FBXO4: variants seen among roughly 807,000 people sequenced by gnomAD.
FBXO4 encodes the protein F-box protein 4, also known as F-box only protein 4.
In FBXO4, 36 loss-of-function variants were observed where a neutral mutation model predicts 43.7. That is an observed-to-expected ratio of 0.82 (90% CI 0.63 to 1.09). The LOEUF (loss-of-function observed/expected upper bound fraction) is 1.09, where lower values mean the gene tolerates loss of function less well. FBXO4 is among the 50% of genes least tolerant of loss of function. The probability of loss-of-function intolerance (pLI) is 0.00; values close to 1 mark genes in which losing one functional copy is unlikely to be tolerated. For missense variants in FBXO4, 435 were observed against 474.1 expected (o/e 0.92, Z 0.77); for synonymous variants, 180 against 165.6 (o/e 1.09, Z -0.67).
At chr5:41,991,140 C>A in the FBXO4 span, among the ~76,000 whole-genome samples, 753 of 152,320 alleles carry the variant, frequency 4.9e-3, 5 homozygotes, top group African/African-American at 0.017. Context: ...CCTCTACTAA[C>A]CTGCTGACCA....
the FBXO4 span, among the ~76,000 whole-genome samples, chr5:41,988,748 G>C: frequency 6.6e-6 from 1 of 152,098 alleles, no homozygotes; most frequent in Non-Finnish European, 1.5e-5. Flanking sequence ...GATCTAATAA[G>C]AGTTGTTGAT....
downstream of FBXO4, among the ~76,000 whole-genome samples, chr5:41,945,499 G>C (rs565384864): frequency 5.2e-4 from 79 of 152,266 alleles, no homozygotes; most frequent in African/African-American, 1.9e-3. Context: ...TGCAGGGTTG[G>C]GTAAAGACAA....
At chr5:41,972,593 A>G in the FBXO4 span, among the ~76,000 whole-genome samples, 1 of 149,750 alleles carries the variant, frequency 6.7e-6, no homozygotes. Flanking sequence ...ATATGGAACC[A>G]AAAAAATAAG....
At chr5:42,005,308 A>G in the FBXO4 span, among the ~76,000 whole-genome samples, 1 of 152,176 alleles carries the variant, frequency 6.6e-6, no homozygotes, top group African/African-American at 2.4e-5. Flanking sequence ...CTTCATAAGT[A>G]TACTTTGTGA....
the FBXO4 span, among the ~76,000 whole-genome samples, chr5:41,970,608 C>T: frequency 6.7e-6 from 1 of 150,370 alleles, no homozygotes; most frequent in Non-Finnish European, 1.5e-5. Flanking sequence ...AGTTTTTAAC[C>T]ACAAGGAAAA....
the FBXO4 span, among the ~76,000 whole-genome samples, chr5:41,999,480 C>CAT: frequency 1.7e-5 from 2 of 114,944 alleles, no homozygotes; most frequent in Admixed American, 9.8e-5. Flanking sequence ...TATATATACA[C>CAT]ATATATATAT....
chr5:41,989,452 C>T, the FBXO4 span, among the ~76,000 whole-genome samples: 1 of 151,996 alleles, frequency 6.6e-6, no homozygotes, highest in Non-Finnish European at 1.5e-5. Flanking sequence ...TAGCAAGTTA[C>T]TGTAGAGAAA....
chr5:42,033,868 A>G, the FBXO4 span, among the ~76,000 whole-genome samples: 1 of 152,302 alleles, frequency 6.6e-6, no homozygotes, highest in Admixed American at 6.5e-5. Context: ...TCCTTTGGGT[A>G]TATACCTAGT....
chr5:41,962,138 C>A, the FBXO4 span, among the ~76,000 whole-genome samples: 1 of 152,188 alleles, frequency 6.6e-6, no homozygotes, highest in Non-Finnish European at 1.5e-5. Context: ...GTACCTCCTA[C>A]TCTGCCATTT....
the FBXO4 span, among the ~76,000 whole-genome samples, chr5:41,984,491 C>T: frequency 6.6e-6 from 1 of 152,154 alleles, no homozygotes; most frequent in Non-Finnish European, 1.5e-5. Context: ...TAAGGGCTCA[C>T]TCTCTGACGT....
the FBXO4 span, chr5:41,968,230 T>C: frequency 5.0e-6 from 1 of 201,454 alleles, no homozygotes; most frequent in Non-Finnish European, 1.0e-5. Flanking sequence ...GTGAGAGTTA[T>C]CGGAACCAGT....
At chr5:42,010,238 G>T in the FBXO4 span, among the ~76,000 whole-genome samples, 1 of 152,038 alleles carries the variant, frequency 6.6e-6, no homozygotes. Context: ...GGTGGCTCAC[G>T]CCTGTAATCC....
chr5:41,940,103 G>A (rs2662348), intron 6 of FBXO4, among the ~76,000 whole-genome samples: 1 of 151,274 alleles, frequency 6.6e-6, no homozygotes, highest in Non-Finnish European at 1.5e-5. Context: ...TGCCTGCCTC[G>A]GCCTCCCAAA....
At chr5:42,017,994 A>T in the FBXO4 span, among the ~76,000 whole-genome samples, 1 of 151,946 alleles carries the variant, frequency 6.6e-6, no homozygotes, top group South Asian at 2.1e-4. Flanking sequence ...GTAGTTTTAA[A>T]AAGATTTAGA....
the FBXO4 span, among the ~76,000 whole-genome samples, chr5:41,959,861 A>G: frequency 2.6e-5 from 4 of 152,058 alleles, no homozygotes; most frequent in Non-Finnish European, 5.9e-5. Context: ...GTGGTTTCAT[A>G]TAAATTTTAG....
the FBXO4 span, among the ~76,000 whole-genome samples, chr5:42,032,101 T>G: frequency 7.6e-4 from 105 of 138,356 alleles, no homozygotes; most frequent in Non-Finnish European, 1.4e-3. Flanking sequence ...GTGTGTGTGT[T>G]CTGGGTCATG....
the FBXO4 span, among the ~76,000 whole-genome samples, chr5:41,950,834 T>G: frequency 6.6e-6 from 1 of 152,126 alleles, no homozygotes; most frequent in African/African-American, 2.4e-5. Flanking sequence ...AATGATAGAA[T>G]GGATAAATAA....
At chr5:42,006,214 C>G in the FBXO4 span, among the ~76,000 whole-genome samples, 17,975 of 152,078 alleles carry the variant, frequency 0.12, 1,822 homozygotes, top group African/African-American at 0.27. Flanking sequence ...TCAAGAAATA[C>G]TGACATTTCC....
chr5:42,007,719 A>C, the FBXO4 span, among the ~76,000 whole-genome samples: 1 of 152,128 alleles, frequency 6.6e-6, no homozygotes, highest in African/African-American at 2.4e-5. Context: ...TAGTTTTTTA[A>C]ATATATTCAA....
Sources: allele counts gnomAD v4.1 joint callset (sites outside exome capture counted in the v4.1 genomes callset), GRCh38; gene constraint gnomAD v4.1.1; transcripts MANE v1.5; gene names NCBI Gene and HGNC (gene_info 2026-07-23, HGNC 2026-07-21).